The following GIGYF2 variants were observed in gnomAD, a reference collection of about 807,000 sequenced individuals.
GIGYF2 encodes GRB10-interacting GYF protein 2.
In GIGYF2, 25 loss-of-function variants were observed where a neutral mutation model predicts 208.1. That is an observed-to-expected ratio of 0.12 (90% CI 0.09 to 0.17). The LOEUF is 0.17. GIGYF2 is among the 10% of genes least tolerant of loss of function. The pLI is 1.00. For synonymous variants in GIGYF2, 534 were observed against 543.8 expected, an observed-to-expected ratio of 0.98 and a Z score of 0.25; for missense variants, 1,302 against 1,579.4, an observed-to-expected ratio of 0.82 and a Z score of 2.98.
At chr2:232,815,014 G>A (rs1700867777) in intron 18 of GIGYF2, among the ~76,000 whole-genome samples, 1 of 152,182 alleles carries the variant, frequency 6.6e-6, no homozygotes, top group South Asian at 2.1e-4. Flanking sequence ...ATCTTGCAGT[G>A]CCCTTCAGGT....
intron 2 of GIGYF2, among the ~76,000 whole-genome samples, chr2:232,716,342 A>C (rs1696675062): frequency 6.7e-6 from 1 of 150,148 alleles, no homozygotes; most frequent in African/African-American, 2.5e-5. Context: ...GACAGATTTG[A>C]AGATTATTTT....
At chr2:232,724,809 T>G (rs1299991119) in intron 2 of GIGYF2, 1 of 152,116 alleles carries the variant, frequency 6.6e-6, no homozygotes, top group Admixed American at 6.5e-5. Context: ...TGCCTCAGTC[T>G]CCTAAAGCTT....
At chr2:232,784,968 C>T (rs1699864706) in intron 8 of GIGYF2, among the ~76,000 whole-genome samples, 1 of 152,096 alleles carries the variant, frequency 6.6e-6, no homozygotes, top group Non-Finnish European at 1.5e-5. Flanking sequence ...GACATACTTG[C>T]TCTCACTTCA....
At chr2:232,841,628 T>C (rs1378860774) in intron 23 of GIGYF2, among the ~76,000 whole-genome samples, 2 of 152,038 alleles carry the variant, frequency 1.3e-5, no homozygotes, top group Non-Finnish European at 2.9e-5. Context: ...ATTTGTATTT[T>C]CATTTAATTT....
chr2:232,724,207 A>ATTT lies in GIGYF2; in HGVS notation c.-43-10928_-43-10926dup, dbSNP rs1163865821. ...CAGGCGCCCGCTGCCACACCTGGCT[A>ATTT]TTTTTTTTTTTTTTTTTTTTTTGTA... On this transcript the variant is annotated intron_variant, in intron 2 of 28. Transcript: ENST00000373563. Among the ~76,000 whole-genome samples the ATTT allele has an allele frequency of 5.9e-4, 67 of 114,176 alleles. 1 individual carries two copies. The East Asian group carries it at 8.0e-3, about 14-fold the overall frequency. 74.9% of individuals were successfully genotyped at this position (114,176 alleles called of 152,430 possible).
chr2:232,712,347 A>G (rs780912303), intron 2 of GIGYF2, among the ~76,000 whole-genome samples: 2 of 152,230 alleles, frequency 1.3e-5, no homozygotes, highest in Admixed American at 6.5e-5. Context: ...CATATTTCCC[A>G]TTTCATCATG....
At chr2:232,777,217 A>C (rs1699552122) in intron 8 of GIGYF2, among the ~76,000 whole-genome samples, 1 of 152,182 alleles carries the variant, frequency 6.6e-6, no homozygotes. Flanking sequence ...AAAGAACCGA[A>C]GAATTTTCTT....
chr2:232,707,028 T>C (rs1317221904), intron 2 of GIGYF2, among the ~76,000 whole-genome samples: 1 of 151,954 alleles, frequency 6.6e-6, no homozygotes, highest in Admixed American at 6.6e-5. Context: ...GGTAAAATTC[T>C]CAAATGATGT....
rs543980369 is a variant in GIGYF2, at chr2:232,780,255, C to G, written c.533-6895C>G. Among the ~76,000 whole-genome samples, 14 of 152,294 alleles carry G rather than the reference C, an allele frequency of 9.2e-5. No individual in the cohort carries two copies. In the East Asian group the frequency reaches 2.5e-3, roughly 27 times the overall value. Reference sequence around the variant, plus strand: ...CTCAGTTAGACCAGGCAAAAACTAACACTGCATTTTAATTTAATTTAATTT... The same window carrying G: ...CTCAGTTAGACCAGGCAAAAACTAAGACTGCATTTTAATTTAATTTAATTT... On this transcript the variant is annotated intron_variant, in intron 8 of 28. Transcript: ENST00000373563.
rs181987552 is a variant in GIGYF2 at position 232,783,834 on chromosome 2, C to T, written c.533-3316C>T. 7.6e-3 allele frequency among the ~76,000 whole-genome samples: 1,157 copies of T among 152,106 alleles called. 13 individuals carry two copies. The highest frequency in any genetic ancestry group is 0.026 in the African/African-American group (1,072 of 41,486). ...CCGAGTAGCTGGGATTGCAGGCATGCGCCACCATGCCCAGCTAATTTTTTT... is the reference window on the plus strand; with the variant it reads ...CCGAGTAGCTGGGATTGCAGGCATGTGCCACCATGCCCAGCTAATTTTTTT... On this transcript the variant is annotated intron_variant, in intron 8 of 28. Coordinates refer to ENST00000373563, the MANE Select transcript of GIGYF2 (RefSeq NM_001103146.3).
intron 13 of GIGYF2, 145 bp from the exon 14 acceptor site, chr2:232,795,917 T>A: frequency 1.5e-6 from 1 of 679,218 alleles, no homozygotes; most frequent in Non-Finnish European, 2.7e-6. Context: ...CATGGCATTG[T>A]TGGGAGAAGT....
At position 232,806,698 on chromosome 2, in the gene GIGYF2, G is replaced by A. The variant is rs370125299; in HGVS notation, c.1806+41G>A. 153 of 1,345,344 alleles carry A rather than the reference G, an allele frequency of 1.1e-4. No homozygotes were observed. The highest frequency in any genetic ancestry group is 3.6e-4 in the Middle Eastern group (2 of 5,544). The allele number at this position is 1,345,344 out of a possible 1,614,324, so 83.3% of individuals were successfully genotyped here. ...CTCACCTGGAATACATATTAGTCAC[G>A]GAAACACTTGATTCTCTTTGAAAAC... On this transcript the variant is annotated intron_variant, in intron 15 of 28. Coordinates refer to ENST00000373563, the MANE Select transcript of GIGYF2 (RefSeq NM_001103146.3). This position sits in a 1 kb window ranked among gnomAD's most constrained non-coding sequence, Gnocchi z 4.0.
In GIGYF2 at chr2:232,803,939, C is replaced by G. The variant is rs541940422; in HGVS notation, c.1640-2552C>G. Reference sequence around the variant, plus strand: ...CCTGACCTCATGATCCACCCGCCTCCGCCTCCCAAAGTGCTGGGATTACAG... The same window carrying G: ...CCTGACCTCATGATCCACCCGCCTCGGCCTCCCAAAGTGCTGGGATTACAG... On this transcript the variant is annotated intron_variant, in intron 14 of 28. Coordinates refer to ENST00000373563, the MANE Select transcript of GIGYF2 (RefSeq NM_001103146.3). 1.9e-4 allele frequency among the ~76,000 whole-genome samples: 3 copies of G among 15,604 alleles called. 1 individual carries two copies. The highest frequency in any genetic ancestry group is 3.3e-4 in the Non-Finnish European group (3 of 9,002). The allele number at this position is 15,604 out of a possible 152,430, so 10.2% of individuals were successfully genotyped here.
intron 3 of GIGYF2, among the ~76,000 whole-genome samples, chr2:232,738,040 C>T (rs1217591725): frequency 1.3e-5 from 2 of 151,324 alleles, no homozygotes; most frequent in Admixed American, 6.6e-5. Flanking sequence ...CCTCAACCTC[C>T]TGAGTAGCTG....
intron 8 of GIGYF2, among the ~76,000 whole-genome samples, chr2:232,766,298 A>G (rs1698961375): frequency 6.6e-6 from 1 of 152,256 alleles, no homozygotes; most frequent in Middle Eastern, 3.4e-3. Context: ...TCAAATGCCA[A>G]ATTTATTATA....
chr2:232,852,165 G>C (rs552254685), intron 28 of GIGYF2, among the ~76,000 whole-genome samples: 8 of 152,170 alleles, frequency 5.3e-5, no homozygotes, highest in African/African-American at 1.4e-4. Flanking sequence ...TGTACCCTTG[G>C]TAGGATTCTC....
intron 8 of GIGYF2, among the ~76,000 whole-genome samples, chr2:232,769,005 T>A (rs1342630975): frequency 6.6e-6 from 1 of 152,184 alleles, no homozygotes; most frequent in East Asian, 1.9e-4. Flanking sequence ...CATTTCTGTT[T>A]AAAAACCATG....
chr2:232,705,427 A>C (rs1315841750), intron 2 of GIGYF2: 1 of 152,154 alleles, frequency 6.6e-6, no homozygotes, highest in Non-Finnish European at 1.5e-5. Context: ...ATTTTTGTTG[A>C]GACAGAGTTG....
chr2:232,854,104 T>A (rs1690460119), intron 28 of GIGYF2, among the ~76,000 whole-genome samples: 1 of 152,194 alleles, frequency 6.6e-6, no homozygotes, highest in Non-Finnish European at 1.5e-5. Flanking sequence ...ACACGTGAAG[T>A]CAATGAAAAA....
Sources: gnomAD v4.1 joint callset for allele counts (sites outside exome capture counted in the v4.1 genomes callset) on GRCh38, gnomAD v4.1.1 for gene constraint, Gnocchi (gnomAD v3.1) non-coding constraint, MANE v1.5 for transcripts, NCBI Gene and HGNC (gene_info 2026-07-23, HGNC 2026-07-21) for gene names.